PDE11A: variants seen among roughly 807,000 people sequenced by gnomAD.
PDE11A encodes phosphodiesterase 11A.
PDE11A carries 100 observed loss-of-function variants against 100.5 expected under a neutral mutation model. That is an observed-to-expected ratio of 1.00 (90% CI 0.85 to 1.18). The LOEUF (loss-of-function observed/expected upper bound fraction) is 1.18. Among genes scored for constraint, PDE11A ranks in the 50% most tolerant of loss-of-function variants. The probability of loss-of-function intolerance (pLI) is 0.00; values close to 1 mark genes in which losing one functional copy is unlikely to be tolerated. For synonymous variants in PDE11A, 381 were observed against 420.8 expected (o/e 0.91, Z 1.16); for missense variants, 1,141 against 1,152.6 (o/e 0.99, Z 0.15).
chr2:178,107,710 CCTTTTTTTTT>C (rs2087636870), intron 1 of PDE11A, among the ~76,000 whole-genome samples: 1 of 148,138 alleles, frequency 6.8e-6, no homozygotes, highest in Non-Finnish European at 1.5e-5. Context: ...TTTAACAATT[CCTTTTTTTTT>C]CTTTTTTTTT....
At chr2:177,989,343 G>A (rs2085976128) in intron 2 of PDE11A, among the ~76,000 whole-genome samples, 1 of 152,174 alleles carries the variant, frequency 6.6e-6, no homozygotes, top group Admixed American at 6.6e-5. Context: ...TATGAACAAA[G>A]TCCAGAAAGA....
chr2:177,832,582 T>TATCTATCTATC, intron 6 of PDE11A, among the ~76,000 whole-genome samples: 1 of 152,092 alleles, frequency 6.6e-6, no homozygotes, highest in East Asian at 1.9e-4. Flanking sequence ...TCTATCTATC[T>TATCTATCTATC]ATCTATCTAT....
rs1338600083 is a variant in PDE11A, at chr2:177,869,497, CT to C, written c.1367+6361del. Among the ~76,000 whole-genome samples, 4 of 152,280 alleles carry C rather than the reference CT, an allele frequency of 2.6e-5. No homozygotes were observed. In the East Asian group the frequency reaches 7.7e-4, roughly 29 times the overall value. ...CTCCGACTTTTCCCTTCTGTTGAGC[CT>C]TTTCAGCTTCCTTTTGTGTCCTCAA... is the stretch of plus-strand genomic sequence containing the variant. On this transcript the variant is annotated intron_variant, in intron 5 of 19. Transcript: ENST00000286063.
intron 1 of PDE11A, chr2:178,018,135 T>A (rs1455943338): frequency 3.5e-6 from 1 of 286,698 alleles, no homozygotes; most frequent in Non-Finnish European, 6.9e-6. Flanking sequence ...GAGCACAGCA[T>A]GTTCACCTGC....
chr2:177,819,587 G>T (rs1317084734), intron 7 of PDE11A, among the ~76,000 whole-genome samples: 1 of 152,010 alleles, frequency 6.6e-6, no homozygotes, highest in African/African-American at 2.4e-5. Context: ...AATGGAGGAA[G>T]AGAAAAATTG....
chr2:178,059,134 G>T lies in PDE11A; in HGVS notation c.912+12392C>A, dbSNP rs1272006724. Among the ~76,000 whole-genome samples, 4 of 152,294 alleles carry T rather than the reference G, an allele frequency of 2.6e-5. No individual in the cohort carries two copies. In the South Asian group the frequency reaches 6.2e-4, roughly 24 times the overall value. On this transcript the variant is annotated intron_variant, in intron 1 of 19. Transcript: ENST00000286063. ...AGGTTCACATACAGTCCAGCCTCCT[G>T]ATGGGTTCTCAGCCTCTGCCTCCTG...
At chr2:177,815,474 T>TA (rs1430836362) in intron 9 of PDE11A, among the ~76,000 whole-genome samples, 1 of 152,128 alleles carries the variant, frequency 6.6e-6, no homozygotes, top group Non-Finnish European at 1.5e-5. Flanking sequence ...GTCCTTACTA[T>TA]AAAAAGATAT....
chr2:177,676,506 T>G (rs1285242544), intron 16 of PDE11A, among the ~76,000 whole-genome samples: 1 of 152,330 alleles, frequency 6.6e-6, no homozygotes, highest in South Asian at 2.1e-4. Context: ...GCTGCCCAGA[T>G]GGCAGAGCAT....
chr2:178,079,853 G>A (rs1031719702), intron 2 of PDE11A, among the ~76,000 whole-genome samples: 1 of 152,178 alleles, frequency 6.6e-6, no homozygotes, highest in Non-Finnish European at 1.5e-5. Context: ...ACTGGCATAA[G>A]ATGGTATCTC....
At chr2:177,756,229 G>T (rs1335469982) in intron 10 of PDE11A, among the ~76,000 whole-genome samples, 1 of 152,128 alleles carries the variant, frequency 6.6e-6, no homozygotes, top group East Asian at 1.9e-4. Flanking sequence ...TCTTTCAGGG[G>T]TTATCAAAAT....
chr2:178,069,039 C>T (rs2087089334), intron 1 of PDE11A, among the ~76,000 whole-genome samples: 1 of 151,894 alleles, frequency 6.6e-6, no homozygotes, highest in Admixed American at 6.6e-5. Context: ...CATCTCAGTT[C>T]CAGATAAGGA....
chr2:178,008,153 C>A (rs1474886261), intron 2 of PDE11A, among the ~76,000 whole-genome samples: 1 of 152,074 alleles, frequency 6.6e-6, no homozygotes, highest in Non-Finnish European at 1.5e-5. Context: ...TTTATAAAGA[C>A]AATGGTGAAT....
intron 10 of PDE11A, among the ~76,000 whole-genome samples, chr2:177,758,170 G>A (rs1199922364): frequency 6.6e-6 from 1 of 151,216 alleles, no homozygotes; most frequent in Non-Finnish European, 1.5e-5. Context: ...GGTGGCAGGC[G>A]CCTGTAGTCC....
At chr2:177,989,355 T>C (rs2085976231) in intron 2 of PDE11A, among the ~76,000 whole-genome samples, 1 of 152,198 alleles carries the variant, frequency 6.6e-6, no homozygotes, top group Non-Finnish European at 1.5e-5. Context: ...CCAGAAAGAA[T>C]ACTCTGCCCA....
At chr2:177,894,648 G>A (rs1231901758) in intron 4 of PDE11A, among the ~76,000 whole-genome samples, 2 of 152,084 alleles carry the variant, frequency 1.3e-5, no homozygotes, top group African/African-American at 4.8e-5. Context: ...TAAGACTCAC[G>A]AAACAGACTC....
At chr2:177,673,889 C>T (rs373617900) in intron 17 of PDE11A, among the ~76,000 whole-genome samples, 20 of 152,266 alleles carry the variant, frequency 1.3e-4, no homozygotes, top group South Asian at 8.3e-4. Flanking sequence ...CAAGACCTTC[C>T]AGGGCCTCTG....
rs114166589 is a variant in PDE11A, at chr2:177,778,119, T to C, written c.1738-8746A>G. On this transcript the variant is annotated intron_variant, in intron 9 of 19. Coordinates refer to ENST00000286063, the MANE Select transcript of PDE11A (RefSeq NM_016953.4). The stretch of plus-strand genomic sequence containing the variant: ...AGAGGAAAGAAGTCACGTTTTTGTG[T>C]TGCATTTACACAGCAAGAAAAGACA... 6.6e-3 allele frequency among the ~76,000 whole-genome samples: 999 copies of C among 152,340 alleles called. 22 individuals are homozygous for C. The highest frequency in any genetic ancestry group is 0.022 in the African/African-American group (900 of 41,576).
chr2:178,060,315 T>C (rs2086951778), intron 1 of PDE11A, among the ~76,000 whole-genome samples: 1 of 152,002 alleles, frequency 6.6e-6, no homozygotes, highest in Non-Finnish European at 1.5e-5. Context: ...GATTAGTACA[T>C]ATATGGAAAA....
intron 15 of PDE11A, among the ~76,000 whole-genome samples, chr2:177,695,445 T>G (rs2081097369): frequency 6.6e-6 from 1 of 152,202 alleles, no homozygotes; most frequent in African/African-American, 2.4e-5. Context: ...TATTTATTGT[T>G]TATCTGAAAT....
Sources: gnomAD v4.1 joint callset for allele counts (sites outside exome capture counted in the v4.1 genomes callset) on GRCh38, gnomAD v4.1.1 for gene constraint, MANE v1.5 for transcripts, NCBI Gene and HGNC (gene_info 2026-07-23, HGNC 2026-07-21) for gene names.